DLG2: variants seen among roughly 807,000 people sequenced by gnomAD.
DLG2 encodes discs large MAGUK scaffold protein 2, also known as disks large homolog 2.
DLG2 carries 45 observed loss-of-function variants against 132.5 expected under a neutral mutation model. The ratio of observed to expected loss-of-function variants is 0.34; its 90% CI spans 0.27 to 0.44. DLG2 has a LOEUF of 0.44. Among genes scored for constraint, DLG2 ranks in the 20% least tolerant of loss-of-function variants. The probability of loss-of-function intolerance (pLI) is 1.00; values close to 1 mark genes in which losing one functional copy is unlikely to be tolerated. For missense variants in DLG2, 1,045 were observed against 1,196.9 expected (o/e 0.87, Z 1.87); for synonymous variants, 424 against 419.6 (o/e 1.01, Z -0.13).
chr11:84,632,790 G>C (rs1231439463), intron 6 of DLG2, among the ~76,000 whole-genome samples: 1 of 152,126 alleles, frequency 6.6e-6, no homozygotes, highest in Non-Finnish European at 1.5e-5. Flanking sequence ...CTGGAAATAA[G>C]ATTATATTTT....
chr11:85,503,148 TAC>T (rs1381251241), intron 3 of DLG2, among the ~76,000 whole-genome samples: 2 of 152,152 alleles, frequency 1.3e-5, no homozygotes, highest in African/African-American at 2.4e-5. Flanking sequence ...TAGGGATACC[TAC>T]AGAGGTGATT....
chr11:85,440,387 C>T (rs763356191), intron 3 of DLG2, among the ~76,000 whole-genome samples: 1 of 152,062 alleles, frequency 6.6e-6, no homozygotes, highest in African/African-American at 2.4e-5. Flanking sequence ...AATGTTAGCT[C>T]CCTTCCCTTC....
chr11:84,810,327 C>G (rs1429716198), intron 6 of DLG2, among the ~76,000 whole-genome samples: 1 of 152,058 alleles, frequency 6.6e-6, no homozygotes, highest in Non-Finnish European at 1.5e-5. Context: ...AGAGGAAATA[C>G]AGATTGCAAC....
At chr11:84,410,406 G>A (rs746649059) in intron 7 of DLG2, among the ~76,000 whole-genome samples, 1 of 151,830 alleles carries the variant, frequency 6.6e-6, no homozygotes, top group Non-Finnish European at 1.5e-5. Flanking sequence ...TTCCTTCCAG[G>A]ACCAATAGAG....
At chr11:84,863,482 G>C (rs2084069448) in intron 6 of DLG2, among the ~76,000 whole-genome samples, 1 of 152,106 alleles carries the variant, frequency 6.6e-6, no homozygotes, top group Non-Finnish European at 1.5e-5. Flanking sequence ...TGATAACATT[G>C]TGAAATTAAT....
intron 3 of DLG2, among the ~76,000 whole-genome samples, chr11:85,357,836 C>G (rs1451074391): frequency 6.7e-6 from 1 of 148,834 alleles, no homozygotes; most frequent in East Asian, 2.0e-4. Flanking sequence ...TGTTATATTG[C>G]TCTTCTTCCT....
intron 5 of DLG2, 126 bp downstream of exon 5, chr11:85,154,430 G>T (rs187735814): frequency 3.7e-6 from 2 of 547,002 alleles, no homozygotes; most frequent in Non-Finnish European, 6.3e-6. Flanking sequence ...TGCTGACCAG[G>T]CCAAAGCTAG....
intron 5 of DLG2, among the ~76,000 whole-genome samples, chr11:85,117,524 TAAG>T (rs1264115840): frequency 1.3e-5 from 2 of 151,144 alleles, no homozygotes; most frequent in Non-Finnish European, 2.9e-5. Flanking sequence ...TCCAGTTTAA[TAAG>T]AACTTTCCTT....
At chr11:83,850,898 C>T (rs79118927) in intron 16 of DLG2, among the ~76,000 whole-genome samples, 3,469 of 152,116 alleles carry the variant, frequency 0.023, 103 homozygotes, top group East Asian at 0.077. Context: ...ATTTTGAGGC[C>T]GGGCGCGGTG....
intron 7 of DLG2, among the ~76,000 whole-genome samples, chr11:84,268,470 T>G (rs1362451149): frequency 6.7e-6 from 1 of 150,220 alleles, no homozygotes; most frequent in African/African-American, 2.4e-5. Context: ...CTTTTTTTTT[T>G]TTTTTTTTTG....
At chr11:84,184,954 T>C (rs1384545749) in intron 8 of DLG2, among the ~76,000 whole-genome samples, 1 of 152,226 alleles carries the variant, frequency 6.6e-6, no homozygotes, top group African/African-American at 2.4e-5. Context: ...ACCAGTACCA[T>C]GCTGTTTTGG....
At chr11:85,441,791 G>A (rs918926975) in intron 3 of DLG2, among the ~76,000 whole-genome samples, 1 of 152,118 alleles carries the variant, frequency 6.6e-6, no homozygotes, top group Non-Finnish European at 1.5e-5. Context: ...ATGAATGACA[G>A]ACAAGGATCC....
At chr11:85,157,319 T>C (rs932909393) in intron 4 of DLG2, among the ~76,000 whole-genome samples, 2 of 152,164 alleles carry the variant, frequency 1.3e-5, no homozygotes, top group Admixed American at 1.3e-4. Flanking sequence ...AAGGATGAAG[T>C]CCTTTCATTG....
intron 15 of DLG2, among the ~76,000 whole-genome samples, chr11:83,877,726 G>C (rs2065126768): frequency 3.3e-5 from 5 of 152,072 alleles, no homozygotes; most frequent in Admixed American, 3.3e-4. Flanking sequence ...TCTCTTCTAA[G>C]ACAAATACAG....
At chr11:85,225,650 G>A (rs1319666487) in intron 4 of DLG2, among the ~76,000 whole-genome samples, 1 of 151,754 alleles carries the variant, frequency 6.6e-6, no homozygotes, top group East Asian at 1.9e-4. Context: ...TCCTCCTTAT[G>A]GCATTGCCTC....
chr11:83,835,583 G>A (rs909536415), intron 16 of DLG2, among the ~76,000 whole-genome samples: 1 of 152,188 alleles, frequency 6.6e-6, no homozygotes, highest in African/African-American at 2.4e-5. Flanking sequence ...GCTGAACTGA[G>A]TGAATGAGGA....
chr11:84,902,434 A>AT (rs2091002054), intron 6 of DLG2, among the ~76,000 whole-genome samples: 1 of 152,110 alleles, frequency 6.6e-6, no homozygotes, highest in African/African-American at 2.4e-5. Context: ...CTATCCCCTT[A>AT]CAGAAGCCGA....
chr11:84,496,211 C>T (rs754765731), intron 7 of DLG2, among the ~76,000 whole-genome samples: 6 of 152,206 alleles, frequency 3.9e-5, no homozygotes, highest in Non-Finnish European at 7.4e-5. Context: ...ATTATCTTTT[C>T]ATCCAGTTTC....
chr11:84,398,716 A>G (rs1227038468), intron 7 of DLG2, among the ~76,000 whole-genome samples: 1 of 152,070 alleles, frequency 6.6e-6, no homozygotes, highest in South Asian at 2.1e-4. Context: ...AACAAAATAA[A>G]CCATTCAGTG....
Sources: allele counts gnomAD v4.1 joint callset (sites outside exome capture counted in the v4.1 genomes callset), GRCh38; gene constraint gnomAD v4.1.1; transcripts MANE v1.5; gene names NCBI Gene and HGNC (gene_info 2026-07-23, HGNC 2026-07-21).